The following KCNJ4 variants were observed in gnomAD, a reference collection of about 807,000 sequenced individuals.
KCNJ4 encodes the protein inward rectifier potassium channel 4.
Under a neutral mutation model 25.6 loss-of-function variants are expected in KCNJ4, and 3 were observed. The ratio of observed to expected loss-of-function variants is 0.12; its 90% CI spans 0.05 to 0.30. The LOEUF (loss-of-function observed/expected upper bound fraction) is 0.30, where lower values mean the gene tolerates loss of function less well. KCNJ4 is among the 10% of genes least tolerant of loss of function. The pLI, the probability that KCNJ4 is intolerant of heterozygous loss-of-function variation, is 1.00. For missense variants in KCNJ4, 286 were observed against 666.8 expected, an observed-to-expected ratio of 0.43 and a Z score of 6.29; for synonymous variants, 257 against 283.9, an observed-to-expected ratio of 0.91 and a Z score of 0.95.
chr22:38,436,935 G>A lies in KCNJ4; in HGVS notation c.-39-8764C>T, dbSNP rs1230245332. On this transcript the variant is annotated intron_variant, in intron 1 of 1. Coordinates refer to ENST00000303592, the MANE Select transcript of KCNJ4 (RefSeq NM_152868.3). ...CTGCCTCGAAGAAATACTGTCACACGCTTGCTTCCACCTGGTACACATCCA... is the reference window on the plus strand; with the variant it reads ...CTGCCTCGAAGAAATACTGTCACACACTTGCTTCCACCTGGTACACATCCA... Among the ~76,000 whole-genome samples the A allele has an allele frequency of 7.2e-5, 11 of 152,180 alleles. No individual in the cohort carries two copies. In the East Asian group the frequency reaches 1.2e-3, roughly 16 times the overall value.
rs557462502 is a variant in KCNJ4, at chr22:38,439,035, C to T, written c.-39-10864G>A. Reference sequence around the variant, plus strand: ...CAGAGGCAGAAGGATCACGTGAGGCCGTGAATCCAAGACCATGCTGGGCAA... The same window carrying T: ...CAGAGGCAGAAGGATCACGTGAGGCTGTGAATCCAAGACCATGCTGGGCAA... On this transcript the variant is annotated intron_variant, in intron 1 of 1. Coordinates refer to ENST00000303592, the MANE Select transcript of KCNJ4 (RefSeq NM_152868.3). 3.6e-4 allele frequency among the ~76,000 whole-genome samples: 55 copies of T among 152,240 alleles called. No homozygotes were observed. The East Asian group carries it at 9.5e-3, about 26-fold the overall frequency.
At chr22:38,434,055 T>C (rs1306654767) in intron 1 of KCNJ4, among the ~76,000 whole-genome samples, 1 of 151,954 alleles carries the variant, frequency 6.6e-6, no homozygotes, top group Non-Finnish European at 1.5e-5. Flanking sequence ...AGAGACACCA[T>C]GGCCACTGCA....
intron 1 of KCNJ4, among the ~76,000 whole-genome samples, chr22:38,446,206 G>A (rs1395335328): frequency 2.0e-5 from 3 of 152,190 alleles, no homozygotes; most frequent in East Asian, 3.8e-4. Context: ...GTGGGGCCCC[G>A]CCCGTGGCTG....
rs113232017 is a variant in KCNJ4, at chr22:38,444,360, C to T, written c.-40+10620G>A. Among the ~76,000 whole-genome samples, 200 of 152,344 alleles carry T rather than the reference C, an allele frequency of 1.3e-3. 2 individuals are homozygous for T. Among genetic ancestry groups the T allele is most frequent in the African/African-American group, 4.3e-3 (180 of 41,568 alleles). Reference sequence around the variant, plus strand: ...GACCAAGGAGAAGCTATTTTTGACACGGTAGTCAGGGAGAACTTCCCAGCG... The same window carrying T: ...GACCAAGGAGAAGCTATTTTTGACATGGTAGTCAGGGAGAACTTCCCAGCG... On this transcript the variant is annotated intron_variant, in intron 1 of 1. Coordinates refer to ENST00000303592, the MANE Select transcript of KCNJ4 (RefSeq NM_152868.3).
chr22:38,448,354 C>G (rs2089389897), intron 1 of KCNJ4, among the ~76,000 whole-genome samples: 1 of 152,212 alleles, frequency 6.6e-6, no homozygotes, highest in South Asian at 2.1e-4. Flanking sequence ...GCACGCCCCA[C>G]CATCCCCATG....
intron 1 of KCNJ4, among the ~76,000 whole-genome samples, chr22:38,435,808 T>C (rs2093063863): frequency 6.6e-6 from 1 of 152,116 alleles, no homozygotes; most frequent in African/African-American, 2.4e-5. Context: ...CTGGTTTGAT[T>C]GGAGGGGCTT....
At chr22:38,437,482 C>G (rs1383415516) in intron 1 of KCNJ4, among the ~76,000 whole-genome samples, 1 of 152,234 alleles carries the variant, frequency 6.6e-6, no homozygotes. Flanking sequence ...GGGGCTTCAA[C>G]ACCCCACTGC....
rs764638404 is a variant in KCNJ4, at chr22:38,426,833, G to T, written c.1300C>A (p.Leu434Met). The change falls in exon 2 of 2, where the codon CTG becomes ATG. Residue 434 changes from leucine to methionine, a missense_variant. This residue lies in a region of KCNJ4 where 77 missense variants were observed against 97.6 expected (regional missense o/e 0.79). Transcript: ENST00000303592. ...DLERMQASLP[L>M]DNISYRRESA... ...TCCCTGCGGTAGGAGATGTTGTCCA[G>T]CGGGAGGGAAGCCTGCATGCGCTCC... The T allele has an allele frequency of 6.2e-7, 1 of 1,613,264 alleles. No homozygotes were observed. The highest frequency in any genetic ancestry group is 8.5e-7 in the Non-Finnish European group (1 of 1,179,794).
At position 38,426,720 on chromosome 22, in the gene KCNJ4, T is replaced by C; in HGVS notation, c.*75A>G. 1 of 1,518,422 alleles carries C rather than the reference T, an allele frequency of 6.6e-7. No homozygotes were observed. The highest frequency in any genetic ancestry group is 8.9e-7 in the Non-Finnish European group (1 of 1,123,470). 94.1% of individuals were successfully genotyped at this position (1,518,422 alleles called of 1,614,324 possible). ...GAGCCAGGGTTGGCTCTGTCCTGAG[T>C]GTGGGAGGGGGTGTCCTGGCATCCC... On this transcript the variant is annotated 3_prime_UTR_variant, in exon 2 of 2. Transcript: ENST00000303592.
intron 1 of KCNJ4, among the ~76,000 whole-genome samples, chr22:38,435,354 G>A (rs149195911): frequency 8.5e-4 from 129 of 152,334 alleles, no homozygotes; most frequent in South Asian, 4.6e-3. Context: ...ATAGCTCAGC[G>A]CACCCAGGAT....
At chr22:38,432,280 T>TAAATAAATAAATAAATTAAATA (rs1555917613) in intron 1 of KCNJ4, among the ~76,000 whole-genome samples, 6 of 147,176 alleles carry the variant, frequency 4.1e-5, no homozygotes, top group African/African-American at 1.3e-4. Flanking sequence ...AATAAATAAA[T>TAAATAAATAAATAAATTAAATA]AAATAAAATA....
At chr22:38,431,048 G>C (rs2093048217) in intron 1 of KCNJ4, among the ~76,000 whole-genome samples, 1 of 152,254 alleles carries the variant, frequency 6.6e-6, no homozygotes, top group Non-Finnish European at 1.5e-5. Context: ...CCATCCACAG[G>C]TGTGCAGGAT....
In KCNJ4 at chr22:38,427,944, G is replaced by A. The variant is rs749916309; in HGVS notation, c.189C>T (p.Ser63=). Residue 63 remains serine (S), a synonymous_variant, in exon 2 of 2, where the codon TCC becomes TCT. Transcript: ENST00000303592. ...AGAGCCAGGAGACAAGGAAGGCCGCGGAGAAGATCATGAGCATGTAGCGCC... is the reference window on the plus strand; with the variant it reads ...AGAGCCAGGAGACAAGGAAGGCCGCAGAGAAGATCATGAGCATGTAGCGCC... ...TRWRYMLMIF[S]AAFLVSWLFF... is the part of the protein sequence containing the mutation. 5.5e-5 allele frequency: 88 copies of A among 1,613,828 alleles called. No homozygotes were observed. The highest frequency in any genetic ancestry group is 1.7e-4 in the Admixed American group (10 of 60,014).
rs566777167 is a variant in KCNJ4 at position 38,435,707 on chromosome 22, A to G, written c.-39-7536T>C. The stretch of plus-strand genomic sequence containing the variant: ...GACTCTGTCTCGGGAAAAAAAAAAA[A>G]AAAGAAATAGACAGAATTAACACCA... On this transcript the variant is annotated intron_variant, in intron 1 of 1. Transcript: ENST00000303592. 5.3e-5 allele frequency among the ~76,000 whole-genome samples: 8 copies of G among 152,058 alleles called. No individual in the cohort carries two copies. In the South Asian group the frequency reaches 1.5e-3, roughly 28 times the overall value.
chr22:38,432,427 G>A (rs367824153), intron 1 of KCNJ4, among the ~76,000 whole-genome samples: 42 of 152,252 alleles, frequency 2.8e-4, no homozygotes, highest in Non-Finnish European at 3.7e-4. Flanking sequence ...TGCAGTTTGA[G>A]GCTTGTTTTC....
chr22:38,452,255 G>C (rs1055546404), intron 1 of KCNJ4, among the ~76,000 whole-genome samples: 1 of 152,154 alleles, frequency 6.6e-6, no homozygotes, highest in Non-Finnish European at 1.5e-5. Context: ...CTCCACATGA[G>C]GCAAGGGGCT....
intron 1 of KCNJ4, among the ~76,000 whole-genome samples, chr22:38,451,166 T>C (rs2089408491): frequency 1.3e-5 from 2 of 152,220 alleles, no homozygotes; most frequent in African/African-American, 4.8e-5. Context: ...TGGGCACTGC[T>C]TCCCAGCTCC....
intron 1 of KCNJ4, among the ~76,000 whole-genome samples, chr22:38,442,277 G>A (rs750932296): frequency 1.1e-4 from 16 of 152,248 alleles, no homozygotes; most frequent in Middle Eastern, 3.4e-3. Flanking sequence ...GGCCGGGCGC[G>A]GTGGCTCACG....
At chr22:38,432,280 TAAATA>T (rs754695106) in intron 1 of KCNJ4, among the ~76,000 whole-genome samples, 17 of 147,172 alleles carry the variant, frequency 1.2e-4, no homozygotes, top group African/African-American at 2.1e-4. Flanking sequence ...AATAAATAAA[TAAATA>T]AAATAAAATA....
Sources: allele counts gnomAD v4.1 joint callset (sites outside exome capture counted in the v4.1 genomes callset), GRCh38; gene constraint gnomAD v4.1.1; regional missense constraint gnomAD v4.1.1; transcripts MANE v1.5; gene names NCBI Gene and HGNC (gene_info 2026-07-23, HGNC 2026-07-21).